SEC24B: variants seen among roughly 807,000 people sequenced by gnomAD.
The protein encoded by SEC24B is SEC24 homolog B, COPII component.
In SEC24B, 45 loss-of-function variants were observed where a neutral mutation model predicts 142.8. That is an observed-to-expected ratio of 0.32 (90% CI 0.25 to 0.40). The LOEUF (loss-of-function observed/expected upper bound fraction) is 0.40. Among genes scored for constraint, SEC24B ranks in the 10% least tolerant of loss-of-function variants. The pLI is 1.00. For missense variants in SEC24B, 1,409 were observed against 1,526.8 expected, an observed-to-expected ratio of 0.92 and a Z score of 1.29; for synonymous variants, 574 against 568.2, an observed-to-expected ratio of 1.01 and a Z score of -0.15.
At chr4:109,466,902 T>C (rs1731954770) in intron 2 of SEC24B, among the ~76,000 whole-genome samples, 1 of 152,252 alleles carries the variant, frequency 6.6e-6, no homozygotes, top group Non-Finnish European at 1.5e-5. Context: ...CTGTTATTTT[T>C]AGGCAGCTAA....
At chr4:109,521,892 C>A (rs908045742) in intron 14 of SEC24B, among the ~76,000 whole-genome samples, 1 of 151,500 alleles carries the variant, frequency 6.6e-6, no homozygotes, top group Non-Finnish European at 1.5e-5. Context: ...CCACCACACC[C>A]GGCTAATTTT....
At chr4:109,495,424 A>G (rs1735442570) in intron 6 of SEC24B, among the ~76,000 whole-genome samples, 1 of 152,174 alleles carries the variant, frequency 6.6e-6, no homozygotes, top group South Asian at 2.1e-4. Flanking sequence ...AAAATTTAGG[A>G]TGCAGACACA....
intron 2 of SEC24B, among the ~76,000 whole-genome samples, chr4:109,468,024 A>G (rs779954597): frequency 5.3e-4 from 80 of 152,348 alleles, no homozygotes; most frequent in Non-Finnish European, 5.3e-4. Context: ...TTAATACTGT[A>G]TCTGTCATCT....
chr4:109,513,738 C>G lies in SEC24B; in HGVS notation c.1904-9C>G. The G allele has an allele frequency of 6.5e-7, 1 of 1,537,584 alleles. No individual in the cohort carries two copies. Among genetic ancestry groups the G allele is most frequent in the South Asian group, 1.1e-5 (1 of 89,414 alleles). The stretch of plus-strand genomic sequence containing the variant: ...TGTCTCTAAATTTGTACTGGGACCT[C>G]TTATCTAGTTCCTGAAGAATTTATG... On this transcript the variant is annotated splice_polypyrimidine_tract_variant and intron_variant, in intron 9 of 23. Transcript: ENST00000265175.
chr4:109,489,654 T>TATATATATGATATATTATAATATATATG (rs1734796121), intron 4 of SEC24B, among the ~76,000 whole-genome samples: 3 of 114,500 alleles, frequency 2.6e-5, no homozygotes, highest in South Asian at 5.1e-4. Context: ...ATATATATGG[T>TATATATATGATATATTATAATATATATG]ATATATATGA....
chr4:109,537,652 C>T (rs2126110668), intron 22 of SEC24B, among the ~76,000 whole-genome samples: 1 of 151,930 alleles, frequency 6.6e-6, no homozygotes, highest in African/African-American at 2.4e-5. Context: ...GACCCCATCT[C>T]TTAAAAAGAA....
chr4:109,469,355 A>G (rs1305918714), intron 2 of SEC24B, among the ~76,000 whole-genome samples: 2 of 152,124 alleles, frequency 1.3e-5, no homozygotes, highest in East Asian at 1.9e-4. Flanking sequence ...AAAGCTAACT[A>G]TGTTCCATGA....
chr4:109,481,742 T>C lies in SEC24B; in HGVS notation c.1126T>C (p.Ser376Pro). The C allele has an allele frequency of 6.2e-7, 1 of 1,613,868 alleles. No individual in the cohort carries two copies. The highest frequency in any genetic ancestry group is 8.5e-7 in the Non-Finnish European group (1 of 1,179,778). ...SSAPTPLSST[S>P]DDEEEEEEDE... ...CGCACCAACTCCCTTGTCATCAACT[T>C]CCGATGATGAGGAAGAGGAGGAGGA... The change falls in exon 4 of 24, where the codon TCC becomes CCC. Residue 376 changes from serine (S) to proline (P), a missense_variant. Ser to Pro is a moderately conservative substitution (Grantham distance 74). Around this residue, in one of 2 missense-constraint regions of SEC24B, gnomAD observed 709 missense variants for 673.5 expected, o/e 1.05. Transcript: ENST00000265175.
At chr4:109,458,257 A>C (rs1251386734) in intron 1 of SEC24B, among the ~76,000 whole-genome samples, 1 of 152,120 alleles carries the variant, frequency 6.6e-6, no homozygotes, top group Admixed American at 6.5e-5. Flanking sequence ...ATTTCTCTCG[A>C]TATCCCTTGT....
At chr4:109,512,649 AT>A (rs71594188) in intron 9 of SEC24B, among the ~76,000 whole-genome samples, 108 of 142,382 alleles carry the variant, frequency 7.6e-4, no homozygotes, top group Non-Finnish European at 8.5e-4. Flanking sequence ...CTTCTGATCT[AT>A]TTTTTTTTTT....
chr4:109,448,191 C>T (rs1729659050), intron 1 of SEC24B, among the ~76,000 whole-genome samples: 1 of 152,086 alleles, frequency 6.6e-6, no homozygotes, highest in Non-Finnish European at 1.5e-5. Flanking sequence ...AACATATTCA[C>T]AAGTTTCAGA....
In SEC24B at chr4:109,510,085, T is replaced by C; in HGVS notation, c.1750T>C (p.Leu584=). The C allele has an allele frequency of 6.2e-7, 1 of 1,606,658 alleles. No individual in the cohort carries two copies. Among genetic ancestry groups the C allele is most frequent in the Non-Finnish European group, 8.5e-7 (1 of 1,175,418 alleles). The change falls in exon 8 of 24, where the codon TTG becomes CTG. Residue 584 remains leucine (L), a synonymous_variant. Transcript: ENST00000265175. ...LNKAKLPLGL[L]LHPFRDLTQL... ...TAAAGCTAAGCTTCCTTTAGGATTGTTGTTACATCCCTTCAGAGACCTAAC... is the reference window on the plus strand; with the variant it reads ...TAAAGCTAAGCTTCCTTTAGGATTGCTGTTACATCCCTTCAGAGACCTAAC...
chr4:109,447,944 C>T (rs1023895580), intron 1 of SEC24B, among the ~76,000 whole-genome samples: 2 of 152,206 alleles, frequency 1.3e-5, no homozygotes, highest in African/African-American at 2.4e-5. Context: ...ATGCTGCCCA[C>T]ATTCCTTGGT....
chr4:109,539,719 A>G lies in SEC24B; in HGVS notation c.*44A>G. 1 of 1,292,380 alleles carries G rather than the reference A, an allele frequency of 7.7e-7. No homozygotes were observed. The highest frequency in any genetic ancestry group is 1.1e-6 in the Non-Finnish European group (1 of 898,730). The allele number at this position is 1,292,380 out of a possible 1,614,324, so 80.1% of individuals were successfully genotyped here. A position where few individuals can be genotyped will look rare whatever the true frequency, so the allele number is the denominator to read the frequency against. ...AAGAAAAAGATCTATAACCTAGGTA[A>G]AGCATAATCTGTCAGAGAAGCGCGT... On this transcript the variant is annotated 3_prime_UTR_variant, in exon 24 of 24. Transcript: ENST00000265175.
chr4:109,462,146 T>C (rs1731324062), intron 1 of SEC24B, among the ~76,000 whole-genome samples: 1 of 152,154 alleles, frequency 6.6e-6, no homozygotes, highest in Non-Finnish European at 1.5e-5. Flanking sequence ...TAGTGAACCA[T>C]GATCATGCCA....
rs574648225 is a variant in SEC24B, at chr4:109,511,997, G to A, written c.1817G>A (p.Arg606Gln). ...ACATCAAATACCATTGTGAGGTGCC[G>A]ATCCTGTCGAACGTATATTAACCCC... ...VITSNTIVRC[R>Q]SCRTYINPFV... The change falls in exon 9 of 24, where the codon CGA becomes CAA. Residue 606 changes from arginine to glutamine, a missense_variant. Arg to Gln is a conservative substitution (Grantham distance 43). Around this residue, in one of 2 missense-constraint regions of SEC24B, gnomAD observed 700 missense variants for 853.3 expected, o/e 0.82. Transcript: ENST00000265175. 6 of 1,613,510 alleles carry A rather than the reference G, an allele frequency of 3.7e-6. No individual in the cohort carries two copies. The highest frequency in any genetic ancestry group is 2.2e-5 in the South Asian group (2 of 91,036).
chr4:109,533,419 G>C (rs1168186425), intron 21 of SEC24B, among the ~76,000 whole-genome samples, 174 bp from the exon 22 acceptor site: 3 of 152,150 alleles, frequency 2.0e-5, no homozygotes. Flanking sequence ...TTTAATCAAA[G>C]ACGATGTGAA....
intron 2 of SEC24B, among the ~76,000 whole-genome samples, chr4:109,468,005 A>G (rs764841969): frequency 6.6e-6 from 1 of 152,236 alleles, no homozygotes; most frequent in Non-Finnish European, 1.5e-5. Flanking sequence ...AGATATAGTC[A>G]CTGATAAGTT....
chr4:109,467,588 G>A (rs1250469817), intron 2 of SEC24B, among the ~76,000 whole-genome samples: 1 of 152,050 alleles, frequency 6.6e-6, no homozygotes, highest in Non-Finnish European at 1.5e-5. Flanking sequence ...ATGTAAAGAT[G>A]CCCATTTTTG....
Sources: allele counts gnomAD v4.1 joint callset (sites outside exome capture counted in the v4.1 genomes callset), GRCh38; gene constraint gnomAD v4.1.1; regional missense constraint gnomAD v4.1.1; transcripts MANE v1.5; gene names NCBI Gene and HGNC (gene_info 2026-07-23, HGNC 2026-07-21).